The following HELZ variants were observed in gnomAD, a reference collection of about 807,000 sequenced individuals.
The protein encoded by HELZ is helicase with zinc finger.
Under a neutral mutation model 218.2 loss-of-function variants are expected in HELZ, and 23 were observed. The observed-to-expected ratio is 0.11, with a 90% confidence interval of 0.08 to 0.15. The LOEUF is 0.15. Among genes scored for constraint, HELZ ranks in the 10% least tolerant of loss-of-function variants. The probability of loss-of-function intolerance (pLI) is 1.00; values close to 1 mark genes in which losing one functional copy is unlikely to be tolerated. For missense variants in HELZ, 1,813 were observed against 2,353.7 expected (o/e 0.77, Z 4.75); for synonymous variants, 814 against 829.4 (o/e 0.98, Z 0.32).
chr17:67,123,375 C>T (rs1018722396), intron 25 of HELZ, among the ~76,000 whole-genome samples: 2 of 151,948 alleles, frequency 1.3e-5, no homozygotes, highest in Admixed American at 6.5e-5. Context: ...CAAAGCATTC[C>T]TTTTATAAAC....
intron 5 of HELZ, among the ~76,000 whole-genome samples, chr17:67,207,460 T>C (rs1009667157): frequency 1.3e-5 from 2 of 151,884 alleles, no homozygotes; most frequent in Non-Finnish European, 2.9e-5. Context: ...CCTCAGGTGA[T>C]CCACTCACCT....
Position 67,107,375 on chromosome 17 carries a change from G to A in HELZ, c.5035C>T (p.Pro1679Ser), listed in dbSNP as rs766841984. Reference sequence around the variant, plus strand: ...TTAGCAAAAGTCCATGCTCCATCAGGTGCCAGGTATTTCAAGGGAGGAGGG... The same window carrying A: ...TTAGCAAAAGTCCATGCTCCATCAGATGCCAGGTATTTCAAGGGAGGAGGG... The part of the protein sequence containing the change: ...LAPPPLKYLA[P>S]DGAWTFANLQ... Residue 1679 changes from proline to serine, a missense_variant, in exon 31 of 33, where the codon CCT (proline) becomes TCT (serine). By Grantham distance (74) the Pro-to-Ser change is moderately conservative (BLOSUM62 -1). Coordinates refer to ENST00000358691, the MANE Select transcript of HELZ (RefSeq NM_014877.4). The A allele has an allele frequency of 1.2e-6, 2 of 1,614,072 alleles. No individual in the cohort carries two copies. Among genetic ancestry groups the A allele is most frequent in the Non-Finnish European group, 1.7e-6 (2 of 1,180,030 alleles).
At chr17:67,086,327 C>A (rs1401311265) in intron 32 of HELZ, among the ~76,000 whole-genome samples, 2 of 151,868 alleles carry the variant, frequency 1.3e-5, no homozygotes, top group Non-Finnish European at 2.9e-5. Context: ...GTGGCTCACG[C>A]CTATAATCAC....
chr17:67,117,871 G>GA (rs1048970877), intron 27 of HELZ, among the ~76,000 whole-genome samples: 32 of 149,420 alleles, frequency 2.1e-4, no homozygotes, highest in African/African-American at 5.4e-4. Flanking sequence ...TTTTAATGCT[G>GA]AAAAAAAAAT....
chr17:67,101,009 C>T (rs903219692), intron 31 of HELZ, among the ~76,000 whole-genome samples: 4 of 151,156 alleles, frequency 2.6e-5, no homozygotes, highest in Non-Finnish European at 1.5e-5. Context: ...ACTCGGGAGG[C>T]TGAGGCAGGA....
At chr17:67,207,801 G>C (rs1170582600) in intron 5 of HELZ, among the ~76,000 whole-genome samples, 1 of 152,108 alleles carries the variant, frequency 6.6e-6, no homozygotes, top group Non-Finnish European at 1.5e-5. Context: ...CTGAGTCCAG[G>C]AGTTCGAGAC....
chr17:67,226,324 C>A (rs1280374223), intron 3 of HELZ, among the ~76,000 whole-genome samples: 3 of 144,424 alleles, frequency 2.1e-5, no homozygotes, highest in Non-Finnish European at 4.6e-5. Context: ...AGAAAACTAA[C>A]CAAATAAAAA....
At chr17:67,094,585 T>C (rs1428152686) in intron 31 of HELZ, among the ~76,000 whole-genome samples, 1 of 152,190 alleles carries the variant, frequency 6.6e-6, no homozygotes, top group South Asian at 2.1e-4. Flanking sequence ...ATTTATACTA[T>C]ACTATAATCT....
intron 26 of HELZ, among the ~76,000 whole-genome samples, chr17:67,121,617 C>A (rs942919821): frequency 6.6e-6 from 1 of 152,194 alleles, no homozygotes; most frequent in Non-Finnish European, 1.5e-5. Flanking sequence ...TCATCTCAGC[C>A]TGAAATTACA....
upstream of HELZ, chr17:67,245,712 G>A (rs977073563): frequency 6.4e-6 from 1 of 156,934 alleles, no homozygotes; most frequent in East Asian, 1.9e-4. Flanking sequence ...AAACCGCCCC[G>A]GGGCCGTTGG....
chr17:67,233,658 T>C (rs949279961), intron 3 of HELZ, among the ~76,000 whole-genome samples: 5 of 152,194 alleles, frequency 3.3e-5, no homozygotes, highest in African/African-American at 1.2e-4. Flanking sequence ...ATTAAAATTC[T>C]GATTTCAACT....
At chr17:67,128,600 T>C (rs760781213) in intron 24 of HELZ, 51 bp downstream of exon 24, 8 of 1,487,830 alleles carry the variant, frequency 5.4e-6, no homozygotes, top group South Asian at 1.1e-5. Context: ...TTGGCACTTC[T>C]GCGAAGTTTT....
At chr17:67,169,557 T>G (rs2039250093) in intron 13 of HELZ, among the ~76,000 whole-genome samples, 1 of 151,984 alleles carries the variant, frequency 6.6e-6, no homozygotes, top group Admixed American at 6.6e-5. Flanking sequence ...CTTTTAAGAG[T>G]CCCACCTCTT....
At position 67,123,256 on chromosome 17, in the gene HELZ, G is replaced by C; in HGVS notation, c.3440-96C>G. On this transcript the variant is annotated intron_variant, in intron 25 of 32. Transcript: ENST00000358691. ...ATTCAACAGCAAAATATATTTCCCA[G>C]GTTTGCCTAAGATATCTTATCATCA... 3 of 683,380 alleles carry C rather than the reference G, an allele frequency of 4.4e-6. No homozygotes were observed. In the East Asian group the frequency reaches 9.0e-5, roughly 20 times the overall value. 42.3% of individuals were successfully genotyped at this position (683,380 alleles called of 1,614,324 possible).
chr17:67,135,837 T>A, intron 23 of HELZ, 133 bp downstream of exon 23: 1 of 663,734 alleles, frequency 1.5e-6, no homozygotes, highest in South Asian at 2.0e-5. Flanking sequence ...TATGCTTTTG[T>A]GTTCCCACTG....
At chr17:67,139,016 G>A (rs1314928182) in intron 21 of HELZ, among the ~76,000 whole-genome samples, 3 of 151,988 alleles carry the variant, frequency 2.0e-5, no homozygotes, top group Non-Finnish European at 4.4e-5. Context: ...AAGAGTCCAG[G>A]GGCATACAGA....
Position 67,078,437 on chromosome 17 carries a change from T to A in HELZ, c.5644A>T (p.Ser1882Cys). ...NKQIAESANS[S>C]SPQSSAGGKP... ...CCCCCCGCAGAGCTCTGGGGGCTAC[T>A]GCTATTGGCCGACTCCGCGATCTGC... Residue 1882 changes from serine to cysteine, a missense_variant, in exon 33 of 33, where the codon AGT (serine) becomes TGT (cysteine). By Grantham distance (112) the Ser-to-Cys change is moderately radical. Coordinates refer to ENST00000358691, the MANE Select transcript of HELZ (RefSeq NM_014877.4). 2 of 1,595,194 alleles carry A rather than the reference T, an allele frequency of 1.3e-6. No homozygotes were observed. The highest frequency in any genetic ancestry group is 1.7e-6 in the Non-Finnish European group (2 of 1,173,304).
chr17:67,096,233 G>T (rs35601510), intron 31 of HELZ, among the ~76,000 whole-genome samples: 45,284 of 149,320 alleles, frequency 0.3, 7,815 homozygotes, highest in East Asian at 0.68. Context: ...TGTCATCCAG[G>T]CTTTATTGTT....
At chr17:67,245,292 C>T, upstream of HELZ, 4 of 912,492 alleles carry the variant, frequency 4.4e-6, no homozygotes, top group Non-Finnish European at 5.2e-6. Context: ...GGCCGCGCCT[C>T]CCGCCCGGAA....
Sources: gnomAD v4.1 joint callset for allele counts (sites outside exome capture counted in the v4.1 genomes callset) on GRCh38, gnomAD v4.1.1 for gene constraint, MANE v1.5 for transcripts, NCBI Gene and HGNC (gene_info 2026-07-23, HGNC 2026-07-21) for gene names.